Variants in ATXN3 observed in about 807,000 individuals in gnomAD.
ATXN3 encodes the protein ataxin-3.
A neutral mutation model predicts 58.2 loss-of-function variants in ATXN3; 28 were observed. The ratio of observed to expected loss-of-function variants is 0.48; its 90% confidence interval spans 0.36 to 0.66. The LOEUF (loss-of-function observed/expected upper bound fraction) is 0.66. ATXN3 is among the 30% of genes least tolerant of loss of function. The pLI, the probability that ATXN3 is intolerant of heterozygous loss-of-function variation, is 0.00. For missense variants in ATXN3, 321 were observed against 422.1 expected (o/e 0.76, Z 2.10); for synonymous variants, 113 against 138.5 (o/e 0.82, Z 1.29).
chr14:92,065,698 A>G (rs112165995), intron 10 of ATXN3, among the ~76,000 whole-genome samples: 43,112 of 151,974 alleles, frequency 0.28, 6,481 homozygotes, highest in African/African-American at 0.39. Context: ...TGACTAACAT[A>G]GTGAAACCCC....
At position 92,059,198 on chromosome 14, in the gene ATXN3, G is replaced by A. The variant is rs2057575564; in HGVS notation, c.*5122C>T. The A allele has an allele frequency of 6.6e-6, 1 of 151,886 alleles. No homozygotes were observed. The highest frequency in any genetic ancestry group is 2.1e-4 in the South Asian group (1 of 4,816). The allele number at this position is 151,886 out of a possible 1,614,324, so 9.4% of individuals were successfully genotyped here. ...AGACCACTTGGAAAAAATAATAATA[G>A]CAAAGATTTTCTTCAAATTAAAAAA... On this transcript the variant is annotated 3_prime_UTR_variant, in exon 11 of 11. Coordinates refer to ENST00000644486, the MANE Select transcript of ATXN3 (RefSeq NM_004993.6).
rs11308589 is a variant in ATXN3, at chr14:92,104,922, C to CA, written c.24+1606dup. Among the ~76,000 whole-genome samples the CA allele has an allele frequency of 1.5e-3, 186 of 124,762 alleles. 1 individual carries two copies. The East Asian group carries it at 0.025, about 17-fold the overall frequency. 81.8% of individuals were successfully genotyped at this position (124,762 alleles called of 152,430 possible). The stretch of plus-strand genomic sequence containing the variant: ...GGGTGACAAGAGCCAAACTCCATCT[C>CA]AAAAAAAAAAAAAAAAAAGTACGTG... On this transcript the variant is annotated intron_variant, in intron 1 of 10. Transcript: ENST00000644486.
At chr14:92,065,062 G>A (rs757230598) in intron 10 of ATXN3, among the ~76,000 whole-genome samples, 2 of 152,200 alleles carry the variant, frequency 1.3e-5, no homozygotes, top group African/African-American at 2.4e-5. Context: ...ACATAGAAGT[G>A]TTATAATACC....
At chr14:92,103,586 C>T (rs748168008) in intron 1 of ATXN3, among the ~76,000 whole-genome samples, 19 of 152,250 alleles carry the variant, frequency 1.2e-4, no homozygotes, top group Non-Finnish European at 2.5e-4. Context: ...TGCTAACACG[C>T]CCAGCTAATT....
At chr14:92,106,094 G>A (rs1207626901) in intron 1 of ATXN3, among the ~76,000 whole-genome samples, 4 of 152,128 alleles carry the variant, frequency 2.6e-5, no homozygotes, top group Non-Finnish European at 4.4e-5. Flanking sequence ...CAGTCCGGAG[G>A]AGGAAAAGTT....
chr14:92,081,503 AGAAAGAAATC>A (rs2061482026), intron 8 of ATXN3, among the ~76,000 whole-genome samples: 2 of 150,988 alleles, frequency 1.3e-5, no homozygotes, highest in South Asian at 4.2e-4. Context: ...AAAAAAAAAA[AGAAAGAAATC>A]TAAAGCTGAT....
intron 10 of ATXN3, among the ~76,000 whole-genome samples, chr14:92,067,511 C>T (rs1190863384): frequency 6.6e-6 from 1 of 152,202 alleles, no homozygotes; most frequent in Non-Finnish European, 1.5e-5. Context: ...ATTTTCCTGC[C>T]TTAGCCTTCC....
At chr14:92,067,946 T>G (rs2058735558) in intron 10 of ATXN3, among the ~76,000 whole-genome samples, 1 of 152,178 alleles carries the variant, frequency 6.6e-6, no homozygotes. Flanking sequence ...AGTCCTCCAC[T>G]GACATCTCTC....
chr14:92,084,935 T>C (rs954952468), intron 6 of ATXN3, among the ~76,000 whole-genome samples: 1 of 152,166 alleles, frequency 6.6e-6, no homozygotes, highest in African/African-American at 2.4e-5. Flanking sequence ...GATTAACACA[T>C]AATGGGACAA....
rs1318471362 is a variant in ATXN3, at chr14:92,063,757, A to G, written c.*563T>C. On this transcript the variant is annotated 3_prime_UTR_variant, in exon 11 of 11. Coordinates refer to ENST00000644486, the MANE Select transcript of ATXN3 (RefSeq NM_004993.6). ...AATAATGAAAACCAGGTAGCAGAAA[A>G]GTTGTGATCAGAGAAAACAACACAA... is the stretch of plus-strand genomic sequence containing the variant. 1 of 152,222 alleles carries G rather than the reference A, an allele frequency of 6.6e-6. No individual in the cohort carries two copies. Among genetic ancestry groups the G allele is most frequent in the African/African-American group, 2.4e-5 (1 of 41,450 alleles). The allele number at this position is 152,222 out of a possible 1,614,324, so 9.4% of individuals were successfully genotyped here. A position where few individuals can be genotyped will look rare whatever the true frequency, so the allele number is the denominator to read the frequency against.
At chr14:92,086,682 G>A (rs2062639159) in intron 6 of ATXN3, among the ~76,000 whole-genome samples, 1 of 151,984 alleles carries the variant, frequency 6.6e-6, no homozygotes, top group Non-Finnish European at 1.5e-5. Context: ...AAGAAAAGGA[G>A]AAGGCACACT....
At chr14:92,072,053 T>C (rs1287608724) in intron 9 of ATXN3, among the ~76,000 whole-genome samples, 3 of 152,206 alleles carry the variant, frequency 2.0e-5, no homozygotes, top group Non-Finnish European at 4.4e-5. Flanking sequence ...ATAAATGAAA[T>C]AAATGAAAAC....
At chr14:92,087,634 G>A (rs952833731) in intron 6 of ATXN3, among the ~76,000 whole-genome samples, 3 of 152,172 alleles carry the variant, frequency 2.0e-5, no homozygotes, top group African/African-American at 7.2e-5. Flanking sequence ...GGAGAGAGGG[G>A]AAACACGTTG....
intron 6 of ATXN3, among the ~76,000 whole-genome samples, chr14:92,087,045 C>T (rs968388543): frequency 3.3e-5 from 5 of 152,118 alleles, no homozygotes; most frequent in Admixed American, 3.3e-4. Context: ...TCTATGTTCT[C>T]AGCAGAATGT....
At chr14:92,094,732 C>G (rs1166937791) in intron 3 of ATXN3, among the ~76,000 whole-genome samples, 2 of 152,200 alleles carry the variant, frequency 1.3e-5, no homozygotes, top group African/African-American at 4.8e-5. Context: ...CCAGCAAAGA[C>G]AGAAATTGAG....
intron 1 of ATXN3, among the ~76,000 whole-genome samples, chr14:92,100,322 A>C (rs1172151015): frequency 6.6e-6 from 1 of 152,216 alleles, no homozygotes; most frequent in Non-Finnish European, 1.5e-5. Context: ...GACATGTATA[A>C]GAATGTTCAC....
chr14:92,045,916 T>G (rs1265161004), intron 2 of ATXN3, among the ~76,000 whole-genome samples: 1 of 152,230 alleles, frequency 6.6e-6, no homozygotes, highest in African/African-American at 2.4e-5. Context: ...TTTAGCTACC[T>G]TATCAGCATA....
downstream of ATXN3, among the ~76,000 whole-genome samples, chr14:92,056,770 G>C (rs981528363): frequency 6.6e-6 from 1 of 152,142 alleles, no homozygotes; most frequent in Non-Finnish European, 1.5e-5. Context: ...TTATAAAAGG[G>C]AGTAGGGAAA....
chr14:92,091,706 CT>C (rs5810572), intron 5 of ATXN3, among the ~76,000 whole-genome samples: 42,838 of 151,168 alleles, frequency 0.28, 6,390 homozygotes, highest in East Asian at 0.44. Context: ...TAATTTGAAA[CT>C]TTTTTTTTGA....
Sources: gnomAD v4.1 joint callset for allele counts (sites outside exome capture counted in the v4.1 genomes callset) on GRCh38, gnomAD v4.1.1 for gene constraint, MANE v1.5 for transcripts, NCBI Gene and HGNC (gene_info 2026-07-23, HGNC 2026-07-21) for gene names.